GRID1: variants seen among roughly 807,000 people sequenced by gnomAD.
GRID1 encodes glutamate receptor ionotropic, delta-1.
Under a neutral mutation model 98.0 loss-of-function variants are expected in GRID1, and 28 were observed. The ratio of observed to expected loss-of-function variants is 0.29; its 90% CI spans 0.21 to 0.39. GRID1 has a LOEUF of 0.39. Ranked by LOEUF, GRID1 falls within the 10% of genes least tolerant of loss-of-function variation. The pLI is 1.00. For missense variants in GRID1, 1,111 were observed against 1,340.5 expected, an observed-to-expected ratio of 0.83 and a Z score of 2.67; for synonymous variants, 553 against 538.5, an observed-to-expected ratio of 1.03 and a Z score of -0.37.
chr10:85,834,328 C>T (rs1211654951), intron 8 of GRID1, among the ~76,000 whole-genome samples: 3 of 151,988 alleles, frequency 2.0e-5, no homozygotes, highest in African/African-American at 7.2e-5. Context: ...CATTTAAATT[C>T]CTGAAAGAAA....
intron 8 of GRID1, among the ~76,000 whole-genome samples, chr10:85,820,023 A>AGGCAGGCAGGC (rs1842750493): frequency 3.3e-5 from 3 of 90,144 alleles, no homozygotes; most frequent in African/African-American, 6.4e-5. Context: ...GGAAGGAAGG[A>AGGCAGGCAGGC]AGGAAGGCAG....
chr10:85,925,506 G>T (rs553513103), intron 4 of GRID1, among the ~76,000 whole-genome samples: 1 of 152,216 alleles, frequency 6.6e-6, no homozygotes, highest in Non-Finnish European at 1.5e-5. Flanking sequence ...GGGGTGGCAG[G>T]TGGCTGTGTT....
At chr10:85,976,330 T>C (rs2061529631) in intron 4 of GRID1, among the ~76,000 whole-genome samples, 1 of 152,200 alleles carries the variant, frequency 6.6e-6, no homozygotes, top group Non-Finnish European at 1.5e-5. Context: ...GCTCCATCAA[T>C]ACATCCCAAT....
intron 4 of GRID1, among the ~76,000 whole-genome samples, chr10:86,114,594 C>A (rs1844544522): frequency 6.6e-6 from 1 of 152,166 alleles, no homozygotes; most frequent in African/African-American, 2.4e-5. Context: ...GAAGGTCAGG[C>A]AGCTCCCCTC....
intron 4 of GRID1, among the ~76,000 whole-genome samples, chr10:86,071,956 C>T (rs116386111): frequency 0.012 from 1,766 of 152,246 alleles, 22 homozygotes; most frequent in African/African-American, 0.03. Context: ...GAGGCAGAGA[C>T]ACCTGCGTGA....
At chr10:85,881,063 C>T (rs568646532) in intron 5 of GRID1, among the ~76,000 whole-genome samples, 1 of 152,158 alleles carries the variant, frequency 6.6e-6, no homozygotes, top group African/African-American at 2.4e-5. Flanking sequence ...ATCCAACTTA[C>T]AAGGGACGTG....
intron 4 of GRID1, among the ~76,000 whole-genome samples, chr10:86,121,211 C>T (rs1036415816): frequency 1.4e-4 from 22 of 151,896 alleles, no homozygotes; most frequent in Non-Finnish European, 2.9e-4. Context: ...ACCTGTCTAC[C>T]ACATCTTCTC....
intron 4 of GRID1, among the ~76,000 whole-genome samples, chr10:86,049,144 G>T (rs1399083304): frequency 6.6e-6 from 1 of 152,190 alleles, no homozygotes; most frequent in Non-Finnish European, 1.5e-5. Context: ...GGACTGAGAA[G>T]TGAACTCATG....
At chr10:86,344,368 A>C (rs1293711474) in intron 2 of GRID1, among the ~76,000 whole-genome samples, 1 of 152,238 alleles carries the variant, frequency 6.6e-6, no homozygotes, top group South Asian at 2.1e-4. Context: ...TAAGAGGCAG[A>C]AGAGGGACTC....
intron 14 of GRID1, among the ~76,000 whole-genome samples, chr10:85,617,343 A>G (rs999366898): frequency 6.6e-6 from 1 of 151,002 alleles, no homozygotes; most frequent in African/African-American, 2.4e-5. Context: ...AGCAATTTTC[A>G]TGCCTCAGCC....
At chr10:85,844,828 A>C (rs1022452976) in intron 8 of GRID1, among the ~76,000 whole-genome samples, 1 of 152,212 alleles carries the variant, frequency 6.6e-6, no homozygotes, top group African/African-American at 2.4e-5. Context: ...ATTAACAGGA[A>C]AGAGCAAGAA....
At chr10:85,821,257 C>G (rs1842767364) in intron 8 of GRID1, among the ~76,000 whole-genome samples, 1 of 151,706 alleles carries the variant, frequency 6.6e-6, no homozygotes, top group African/African-American at 2.4e-5. Flanking sequence ...GTGGCTCATG[C>G]CTGTAATCCC....
intron 4 of GRID1, among the ~76,000 whole-genome samples, chr10:86,023,259 G>C (rs1023414076): frequency 6.6e-6 from 1 of 152,164 alleles, no homozygotes; most frequent in Non-Finnish European, 1.5e-5. Flanking sequence ...GAAAGACTGA[G>C]AAAACTAATC....
intron 4 of GRID1, among the ~76,000 whole-genome samples, chr10:85,940,519 G>C (rs1841985933): frequency 6.6e-6 from 1 of 152,160 alleles, no homozygotes; most frequent in African/African-American, 2.4e-5. Context: ...AAAGAAATTG[G>C]AGAAACATCC....
chr10:85,749,195 G>A (rs1842024140), intron 8 of GRID1, among the ~76,000 whole-genome samples: 1 of 152,142 alleles, frequency 6.6e-6, no homozygotes, highest in Non-Finnish European at 1.5e-5. Context: ...CAGTGAGTTT[G>A]GGGCCATGTG....
At chr10:85,989,886 T>C (rs1022312885) in intron 4 of GRID1, among the ~76,000 whole-genome samples, 1 of 152,118 alleles carries the variant, frequency 6.6e-6, no homozygotes, top group African/African-American at 2.4e-5. Flanking sequence ...TGGGAGGTGA[T>C]TAGTTAAAGA....
intron 5 of GRID1, among the ~76,000 whole-genome samples, chr10:85,913,484 G>C (rs1841568714): frequency 6.6e-6 from 1 of 152,242 alleles, no homozygotes; most frequent in South Asian, 2.1e-4. Context: ...CTGGCACATA[G>C]TAGGTGATTA....
At position 85,727,971 on chromosome 10, in the gene GRID1, C is replaced by A. The variant is rs1308238345; in HGVS notation, c.1417G>T (p.Ala473Ser). ...TTAAAGCCCAGAGCCTTGGCCAGTG[C>A]ATCCAGGACATCTATGGAGAACCCT... ...YKGFSIDVLD[A>S]LAKALGFKYE... Residue 473 changes from alanine (A) to serine (S), a missense_variant, in exon 10 of 16, where the codon GCA (alanine) becomes TCA (serine). Physicochemically the swap from Ala to Ser is moderately conservative, Grantham distance 99. Around this residue, in one of 3 missense-constraint regions of GRID1, gnomAD observed 762 missense variants for 869.1 expected, o/e 0.88. Transcript: ENST00000327946. 6.2e-7 allele frequency: 1 copy of A among 1,613,628 alleles called. No homozygotes were observed. Among genetic ancestry groups the A allele is most frequent in the South Asian group, 1.1e-5 (1 of 91,062 alleles).
At chr10:85,859,981 G>A (rs577726956) in intron 6 of GRID1, among the ~76,000 whole-genome samples, 1 of 152,344 alleles carries the variant, frequency 6.6e-6, no homozygotes, top group South Asian at 2.1e-4. Context: ...CCTCAGGGAA[G>A]ATGGCTGGAT....
Sources: allele counts gnomAD v4.1 joint callset (sites outside exome capture counted in the v4.1 genomes callset), GRCh38; gene constraint gnomAD v4.1.1; regional missense constraint gnomAD v4.1.1; transcripts MANE v1.5; gene names NCBI Gene and HGNC (gene_info 2026-07-23, HGNC 2026-07-21).